The following DNAAF9 variants were observed in gnomAD, a reference collection of about 807,000 sequenced individuals.
DNAAF9 encodes the protein dynein axonemal assembly factor 9, also known as shulin.
A neutral mutation model predicts 167.0 loss-of-function variants in DNAAF9; 90 were observed. The ratio of observed to expected loss-of-function variants is 0.54; its 90% confidence interval spans 0.45 to 0.64. The LOEUF is 0.64. DNAAF9 is among the 30% of genes least tolerant of loss of function. The probability of loss-of-function intolerance (pLI) is 0.00; values close to 1 mark genes in which losing one functional copy is unlikely to be tolerated. For synonymous variants in DNAAF9, 491 were observed against 508.8 expected, an observed-to-expected ratio of 0.96 and a Z score of 0.47; for missense variants, 1,315 against 1,442.2, an observed-to-expected ratio of 0.91 and a Z score of 1.43.
intron 7 of DNAAF9, among the ~76,000 whole-genome samples, chr20:3,351,833 A>G (rs1312433684): frequency 1.0e-5 from 1 of 100,490 alleles, no homozygotes. Flanking sequence ...AGTTTGTGTT[A>G]TTTTATTTAT....
intron 6 of DNAAF9, among the ~76,000 whole-genome samples, chr20:3,371,194 C>T (rs529582703): frequency 6.8e-6 from 1 of 148,084 alleles, no homozygotes; most frequent in South Asian, 2.1e-4. Flanking sequence ...ACAATCTTTT[C>T]TTATATGTCT....
intron 8 of DNAAF9, among the ~76,000 whole-genome samples, 160 bp downstream of exon 8, chr20:3,348,365 G>A (rs2070238044): frequency 6.6e-6 from 1 of 152,020 alleles, no homozygotes; most frequent in East Asian, 1.9e-4. Context: ...TTTATAAAGG[G>A]TTGGCATGGG....
chr20:3,322,171 T>C, intron 16 of DNAAF9, 46 bp downstream of exon 16: 1 of 1,482,032 alleles, frequency 6.7e-7, no homozygotes, highest in Non-Finnish European at 9.4e-7. Flanking sequence ...CAGATGTCCC[T>C]CTACAGGCCA....
chr20:3,255,942 C>A (rs1214062687), intron 34 of DNAAF9, 64 bp downstream of exon 34: 9 of 1,290,038 alleles, frequency 7.0e-6, no homozygotes, highest in Non-Finnish European at 9.9e-6. Context: ...CTTCTCAGGG[C>A]CAACAGCAGC....
chr20:3,397,034 C>T (rs2083918298), intron 1 of DNAAF9, among the ~76,000 whole-genome samples: 1 of 152,090 alleles, frequency 6.6e-6, no homozygotes, highest in Non-Finnish European at 1.5e-5. Context: ...ACTGCTTGAG[C>T]CCAGGAGTTT....
intron 1 of DNAAF9, chr20:3,384,086 C>T (rs1375152684): frequency 1.3e-5 from 2 of 152,248 alleles, no homozygotes; most frequent in Admixed American, 6.5e-5. Flanking sequence ...TGCGCCACCA[C>T]ACCAGGCTGC....
At chr20:3,253,689 C>T (rs372404777) in intron 36 of DNAAF9, 37 bp downstream of exon 36, 175 of 1,269,022 alleles carry the variant, frequency 1.4e-4, no homozygotes, top group Admixed American at 1.2e-3. Context: ...CCTCACTGCC[C>T]GGGTTCCACA....
chr20:3,315,864 T>C lies in DNAAF9; in HGVS notation c.1540-79A>G. ...GCTAGGTCTCCCCACTGTGTTCAAA[T>C]ATTTCCAGGACACTGGCTGGACAGT... On this transcript the variant is annotated intron_variant, in intron 18 of 36. Transcript: ENST00000252032. This position sits in a 1 kb window ranked among gnomAD's most constrained non-coding sequence, Gnocchi z 4.1. The C allele has an allele frequency of 9.4e-7, 1 of 1,061,586 alleles. No individual in the cohort carries two copies. The highest frequency in any genetic ancestry group is 2.4e-5 in the East Asian group (1 of 42,364). The allele number at this position is 1,061,586 out of a possible 1,614,324, so 65.8% of individuals were successfully genotyped here.
chr20:3,314,483 C>T (rs1211336339), intron 20 of DNAAF9, among the ~76,000 whole-genome samples: 1 of 152,074 alleles, frequency 6.6e-6, no homozygotes, highest in Non-Finnish European at 1.5e-5. Flanking sequence ...TGACAGCCAC[C>T]AACAAAATGG....
At chr20:3,313,106 A>G (rs376173013) in intron 20 of DNAAF9, among the ~76,000 whole-genome samples, 49 of 152,374 alleles carry the variant, frequency 3.2e-4, no homozygotes, top group African/African-American at 1.0e-3. Context: ...CCGGCTAAAT[A>G]TTATAATTGG....
intron 18 of DNAAF9, among the ~76,000 whole-genome samples, 177 bp downstream of exon 18, chr20:3,316,546 C>T (rs965704650): frequency 6.6e-5 from 10 of 152,108 alleles, no homozygotes; most frequent in African/African-American, 2.4e-4. Flanking sequence ...TGAGAGTTAA[C>T]GGAACTATGT....
At chr20:3,277,644 C>T (rs2068695787) in intron 29 of DNAAF9, among the ~76,000 whole-genome samples, 1 of 152,026 alleles carries the variant, frequency 6.6e-6, no homozygotes, top group African/African-American at 2.4e-5. Context: ...TAGTCTGTCA[C>T]CAGATCCTAT....
Position 3,256,096 on chromosome 20 carries a change from G to T in DNAAF9, c.3171C>A (p.Ser1057Arg), listed in dbSNP as rs768941591. 5 of 1,614,010 alleles carry T rather than the reference G, an allele frequency of 3.1e-6. No individual in the cohort carries two copies. The East Asian group carries it at 1.1e-4, about 36-fold the overall frequency. The part of the protein sequence containing the change: ...PPDSKSVSQD[S>R]SGQQECYLVF... ...CAAGGTAGCACTCCTGCTGCCCGCTGCTGTCTTGAGATACGCTTTTGGAGT... is the reference window on the plus strand; with the variant it reads ...CAAGGTAGCACTCCTGCTGCCCGCTTCTGTCTTGAGATACGCTTTTGGAGT... Residue 1057 changes from serine (S) to arginine (R), a missense_variant, in exon 34 of 37, where the codon AGC becomes AGA. This residue lies in a region of DNAAF9 where 334 missense variants were observed against 429.7 expected (regional missense o/e 0.78). Coordinates refer to ENST00000252032, the MANE Select transcript of DNAAF9 (RefSeq NM_001009984.3).
At chr20:3,325,727 T>C (rs1316156497) in intron 13 of DNAAF9, among the ~76,000 whole-genome samples, 2 of 152,154 alleles carry the variant, frequency 1.3e-5, no homozygotes, top group African/African-American at 4.8e-5. Flanking sequence ...GCAAGGAAGA[T>C]AATGGTCAGA....
chr20:3,374,208 T>A, intron 5 of DNAAF9, 54 bp from the exon 6 acceptor site: 1 of 1,251,046 alleles, frequency 8.0e-7, no homozygotes, highest in Non-Finnish European at 1.2e-6. Flanking sequence ...AATATAACAG[T>A]CTAAACCTGA....
At chr20:3,268,602 C>T (rs1289423612) in intron 30 of DNAAF9, among the ~76,000 whole-genome samples, 2 of 152,196 alleles carry the variant, frequency 1.3e-5, no homozygotes, top group African/African-American at 4.8e-5. Context: ...GCTGGGATTA[C>T]AGGCGTGAGC....
At chr20:3,296,827 G>T in intron 23 of DNAAF9, 34 bp downstream of exon 23, 1 of 1,381,774 alleles carries the variant, frequency 7.2e-7, no homozygotes, top group Non-Finnish European at 1.0e-6. Context: ...CAAAGCCTAG[G>T]GAAGCAAGCA....
intron 7 of DNAAF9, among the ~76,000 whole-genome samples, chr20:3,351,902 TCA>T (rs1297367627): frequency 6.6e-6 from 1 of 151,952 alleles, no homozygotes; most frequent in Non-Finnish European, 1.5e-5. Flanking sequence ...AGGCGTGATC[TCA>T]GTGGCATGAT....
intron 7 of DNAAF9, among the ~76,000 whole-genome samples, chr20:3,356,216 C>T (rs1020056510): frequency 1.3e-5 from 2 of 152,092 alleles, no homozygotes; most frequent in African/African-American, 4.8e-5. Context: ...TGAGGGTTCA[C>T]CATGTTGGCC....
Sources: allele counts gnomAD v4.1 joint callset (sites outside exome capture counted in the v4.1 genomes callset), GRCh38; gene constraint gnomAD v4.1.1; regional missense constraint gnomAD v4.1.1; non-coding constraint Gnocchi (gnomAD v3.1); transcripts MANE v1.5; gene names NCBI Gene and HGNC (gene_info 2026-07-23, HGNC 2026-07-21).